Variants in IL1RAPL2 observed in about 807,000 individuals in gnomAD.
The protein encoded by IL1RAPL2 is X-linked interleukin-1 receptor accessory protein-like 2.
IL1RAPL2 carries 3 observed loss-of-function variants against 44.1 expected under a neutral mutation model. The ratio of observed to expected loss-of-function variants is 0.07; its 90% CI spans 0.03 to 0.18. The LOEUF (loss-of-function observed/expected upper bound fraction) is 0.18, where lower values mean the gene tolerates loss of function less well. Among genes scored for constraint, IL1RAPL2 ranks in the 10% least tolerant of loss-of-function variants. The pLI, the probability that IL1RAPL2 is intolerant of heterozygous loss-of-function variation, is 1.00. For missense variants in IL1RAPL2, 391 were observed against 496.4 expected (o/e 0.79, Z 2.02); for synonymous variants, 181 against 178.8 (o/e 1.01, Z -0.10).
At chrX:105,365,331 T>TG (rs1485859588) in intron 5 of IL1RAPL2, among the ~76,000 whole-genome samples, 2 of 111,876 alleles carry the variant, frequency 1.8e-5, no homozygotes, top group Non-Finnish European at 3.8e-5. Flanking sequence ...TTTGCTTCTA[T>TG]GTTCATTAGG....
chrX:105,671,999 C>A (rs1457732975), intron 6 of IL1RAPL2, among the ~76,000 whole-genome samples: 1 of 111,395 alleles, frequency 9.0e-6, no homozygotes, highest in African/African-American at 3.3e-5. Flanking sequence ...ATTTTCATTT[C>A]GTTCTTTATA....
intron 2 of IL1RAPL2, among the ~76,000 whole-genome samples, chrX:104,748,912 TCTG>T (rs1394406523): frequency 9.0e-6 from 1 of 111,207 alleles, no homozygotes; most frequent in African/African-American, 3.3e-5. Context: ...ATCATTCAGA[TCTG>T]CTGAGCACTG....
Position 105,407,108 on chromosome X carries a change from C to T in IL1RAPL2, c.698-77205C>T. On this transcript the variant is annotated intron_variant, in intron 5 of 10. Transcript: ENST00000372582. Reference sequence around the variant, plus strand: ...AATGTTTTCCTTATCACTTTTCTTTCTCCACTCACTCAGTTGTCTAGAAGA... The same window carrying T: ...AATGTTTTCCTTATCACTTTTCTTTTTCCACTCACTCAGTTGTCTAGAAGA... The T allele has an allele frequency of 1.1e-5, 6 of 533,297 alleles. No homozygotes were observed. In the Admixed American group the frequency reaches 1.5e-4, roughly 13 times the overall value. 43.9% of individuals were successfully genotyped at this position (533,297 alleles called of 1,213,427 possible).
chrX:104,950,645 C>A (rs186781471), intron 2 of IL1RAPL2, among the ~76,000 whole-genome samples: 1 of 112,495 alleles, frequency 8.9e-6, no homozygotes, highest in African/African-American at 3.2e-5. Context: ...TAGGACCCTC[C>A]GAGCTAGGTG....
At chrX:105,303,453 T>G (rs965422765) in intron 5 of IL1RAPL2, among the ~76,000 whole-genome samples, 1 of 111,853 alleles carries the variant, frequency 8.9e-6, no homozygotes, top group African/African-American at 3.2e-5. Context: ...CCACTCAATT[T>G]TATAAGACAC....
At chrX:104,676,407 T>C (rs983540767) in intron 2 of IL1RAPL2, among the ~76,000 whole-genome samples, 1 of 111,691 alleles carries the variant, frequency 9.0e-6, no homozygotes, top group African/African-American at 3.3e-5. Context: ...TTCTTTTCTT[T>C]AAGAATGTTG....
At chrX:105,648,439 A>G (rs2037621469) in intron 6 of IL1RAPL2, among the ~76,000 whole-genome samples, 1 of 111,383 alleles carries the variant, frequency 9.0e-6, no homozygotes, top group Non-Finnish European at 1.9e-5. Context: ...AACAAGATAA[A>G]AACTGAAATA....
intron 6 of IL1RAPL2, among the ~76,000 whole-genome samples, chrX:105,490,079 C>T (rs905164869): frequency 3.6e-5 from 4 of 111,174 alleles, no homozygotes; most frequent in Non-Finnish European, 7.5e-5. Context: ...CCACCAGCCT[C>T]GGCCTCCCAA....
intron 6 of IL1RAPL2, among the ~76,000 whole-genome samples, chrX:105,638,880 T>A (rs1056996133): frequency 1.8e-5 from 2 of 111,836 alleles, no homozygotes; most frequent in Admixed American, 1.9e-4. Flanking sequence ...TGGGTTATAT[T>A]TTTTTCTTAT....
chrX:104,798,243 A>G (rs1932862938), intron 2 of IL1RAPL2, among the ~76,000 whole-genome samples: 2 of 111,488 alleles, frequency 1.8e-5, no homozygotes, highest in African/African-American at 6.5e-5. Flanking sequence ...CTTTTGGTTA[A>G]GGGGGGCTCC....
chrX:105,398,400 A>G (rs1332877615), intron 5 of IL1RAPL2, among the ~76,000 whole-genome samples: 1 of 110,930 alleles, frequency 9.0e-6, no homozygotes, highest in Admixed American at 9.6e-5. Flanking sequence ...CAGCTTCACA[A>G]TAAAAGAGGG....
At chrX:105,685,210 C>T (rs942631573) in intron 6 of IL1RAPL2, among the ~76,000 whole-genome samples, 2 of 111,805 alleles carry the variant, frequency 1.8e-5, no homozygotes, top group South Asian at 3.8e-4. Flanking sequence ...ATGACTTTGA[C>T]GAGTTGACAG....
At chrX:104,911,858 A>G (rs900084103) in intron 2 of IL1RAPL2, among the ~76,000 whole-genome samples, 2 of 111,724 alleles carry the variant, frequency 1.8e-5, no homozygotes, top group Non-Finnish European at 3.8e-5. Context: ...CAGAGAATTT[A>G]TATTTTCTGT....
At chrX:104,609,608 A>G (rs957537280) in intron 1 of IL1RAPL2, among the ~76,000 whole-genome samples, 2 of 111,383 alleles carry the variant, frequency 1.8e-5, no homozygotes, top group Non-Finnish European at 3.8e-5. Flanking sequence ...TTGATCTTCA[A>G]TTACTGATAT....
chrX:104,726,319 T>G (rs1418702958), intron 2 of IL1RAPL2, among the ~76,000 whole-genome samples: 1 of 111,771 alleles, frequency 8.9e-6, no homozygotes, highest in Non-Finnish European at 1.9e-5. Flanking sequence ...GCGTGATGCC[T>G]CTAGCTTTGT....
chrX:104,900,473 C>T (rs762867171), intron 2 of IL1RAPL2, among the ~76,000 whole-genome samples: 1 of 111,198 alleles, frequency 9.0e-6, no homozygotes, highest in Admixed American at 9.6e-5. Flanking sequence ...TCAACTATTA[C>T]TGCAACAATG....
intron 2 of IL1RAPL2, among the ~76,000 whole-genome samples, chrX:104,686,013 A>G (rs192545193): frequency 3.6e-5 from 4 of 111,545 alleles, no homozygotes; most frequent in South Asian, 7.6e-4. Flanking sequence ...GCTATATGAC[A>G]TAATGCTCAA....
chrX:104,973,614 TAAG>T (rs1244073304), intron 2 of IL1RAPL2, among the ~76,000 whole-genome samples: 5 of 112,131 alleles, frequency 4.5e-5, no homozygotes, highest in Non-Finnish European at 7.5e-5. Flanking sequence ...ATTAATACCT[TAAG>T]AAAATTTGGT....
chrX:104,945,008 A>C lies in IL1RAPL2; in HGVS notation c.83-250467A>C, dbSNP rs1258536016. ...GAATAGATAAATAATTTGAAAAGTA[A>C]TTAGCATATGGCCAGAACCAATCTT... On this transcript the variant is annotated intron_variant, in intron 2 of 10. Transcript: ENST00000372582. Among the ~76,000 whole-genome samples, 3 of 111,819 alleles carry C rather than the reference A, an allele frequency of 2.7e-5. No individual in the cohort carries two copies. In the East Asian group the frequency reaches 8.4e-4, roughly 31 times the overall value.
Sources: gnomAD v4.1 joint callset for allele counts (sites outside exome capture counted in the v4.1 genomes callset) on GRCh38, gnomAD v4.1.1 for gene constraint, MANE v1.5 for transcripts, NCBI Gene and HGNC (gene_info 2026-07-23, HGNC 2026-07-21) for gene names.